PCDHA10: variants seen among roughly 807,000 people sequenced by gnomAD.
PCDHA10 encodes the protein protocadherin alpha 10.
PCDHA10 carries 45 observed loss-of-function variants against 61.2 expected under a neutral mutation model. That is an observed-to-expected ratio of 0.74 (90% CI 0.58 to 0.94). The LOEUF (loss-of-function observed/expected upper bound fraction) is 0.94. PCDHA10 is among the 40% of genes least tolerant of loss of function. The pLI, the probability that PCDHA10 is intolerant of heterozygous loss-of-function variation, is 0.00. For missense variants in PCDHA10, 1,278 were observed against 1,236.2 expected, an observed-to-expected ratio of 1.03 and a Z score of -0.51; for synonymous variants, 602 against 548.8, an observed-to-expected ratio of 1.10 and a Z score of -1.35.
rs782722148 is a variant in PCDHA10 at position 140,857,308 on chromosome 5, T to C, written c.1260T>C (p.Tyr420=). 3.4e-5 allele frequency: 54 copies of C among 1,598,232 alleles called. 3 individuals carry two copies. The highest frequency in any genetic ancestry group is 4.5e-5 in the Non-Finnish European group (53 of 1,167,612). Residue 420 remains tyrosine (Y), a synonymous_variant, in exon 1 of 4, where the codon TAT becomes TAC. Transcript: ENST00000307360. ...SALDRERVSA[Y]ELVVTARDGG... ...TGGACCGCGAGAGGGTGTCGGCCTA[T>C]GAGCTGGTGGTGACCGCGCGGGACG...
At chr5:140,963,275 A>G (rs2095752915) in intron 1 of PCDHA10, among the ~76,000 whole-genome samples, 1 of 152,160 alleles carries the variant, frequency 6.6e-6, no homozygotes, top group Non-Finnish European at 1.5e-5. Flanking sequence ...AAATGTATGT[A>G]AGATTTTATA....
At chr5:140,941,563 C>T (rs2093116700) in intron 1 of PCDHA10, among the ~76,000 whole-genome samples, 1 of 151,946 alleles carries the variant, frequency 6.6e-6, no homozygotes, top group Admixed American at 6.6e-5. Context: ...GATCCATTCG[C>T]CTCAGCCTCC....
chr5:140,886,373 G>A (rs2060960480), intron 1 of PCDHA10, among the ~76,000 whole-genome samples: 2 of 152,042 alleles, frequency 1.3e-5, no homozygotes. Context: ...ACATGCCATG[G>A]TGTGCTTATC....
chr5:140,987,096 C>T (rs1266691790), intron 3 of PCDHA10, among the ~76,000 whole-genome samples: 3 of 151,912 alleles, frequency 2.0e-5, no homozygotes, highest in African/African-American at 7.3e-5. Context: ...TGCCTGTAAT[C>T]CCAGCTACTC....
chr5:140,926,181 C>T (rs1298109352), intron 1 of PCDHA10, among the ~76,000 whole-genome samples: 7 of 151,718 alleles, frequency 4.6e-5, no homozygotes, highest in Admixed American at 2.6e-4. Context: ...GCGGAAAGCC[C>T]CCCGCAGCAC....
intron 3 of PCDHA10, among the ~76,000 whole-genome samples, chr5:141,006,384 T>G (rs181638891): frequency 6.6e-6 from 1 of 152,126 alleles, no homozygotes; most frequent in African/African-American, 2.4e-5. Flanking sequence ...GCTAAGTTTT[T>G]TCTATTTTTT....
At chr5:140,881,085 A>G (rs1554171740) in intron 1 of PCDHA10, among the ~76,000 whole-genome samples, 1 of 152,156 alleles carries the variant, frequency 6.6e-6, no homozygotes, top group East Asian at 1.9e-4. Flanking sequence ...GCTATGATAT[A>G]TTTTTCATTA....
chr5:140,966,974 C>A, intron 1 of PCDHA10: 1 of 1,602,874 alleles, frequency 6.2e-7, no homozygotes, highest in Non-Finnish European at 8.5e-7. Context: ...GCTTGAGCTG[C>A]GGCGCTTGGG....
At chr5:140,883,133 G>C in intron 1 of PCDHA10, 1 of 1,614,112 alleles carries the variant, frequency 6.2e-7, no homozygotes, top group Non-Finnish European at 8.5e-7. Flanking sequence ...ATGGCCTGCA[G>C]TGGTATATGC....
rs1262601662 is a variant in PCDHA10, at chr5:141,011,550, A to C, written c.*1613A>C. On this transcript the variant is annotated 3_prime_UTR_variant, in exon 4 of 4. Coordinates refer to ENST00000307360, the MANE Select transcript of PCDHA10 (RefSeq NM_018901.4). ...CATTGTTAATCAGCTTTTGTGTATG[A>C]AAGACACAGTAAAATTTCTTTCTTA... 6 of 153,770 alleles carry C rather than the reference A, an allele frequency of 3.9e-5. No homozygotes were observed. The highest frequency in any genetic ancestry group is 1.4e-4 in the African/African-American group (6 of 41,462). The allele number at this position is 153,770 out of a possible 1,614,324, so 9.5% of individuals were successfully genotyped here. A position where few individuals can be genotyped will look rare whatever the true frequency, so the allele number is the denominator to read the frequency against.
chr5:140,978,526 A>G (rs1197468187), intron 1 of PCDHA10, among the ~76,000 whole-genome samples: 5 of 152,248 alleles, frequency 3.3e-5, no homozygotes, highest in Admixed American at 2.0e-4. Flanking sequence ...CAGCCAGGCC[A>G]GCAGAACTTG....
At chr5:140,877,443 C>G (rs376417721) in intron 1 of PCDHA10, 15 of 1,613,726 alleles carry the variant, frequency 9.3e-6, no homozygotes, top group African/African-American at 1.3e-5. Context: ...ACGGTGAGCC[C>G]GCGCTGACGT....
chr5:141,004,094 G>A (rs962663466), intron 3 of PCDHA10, among the ~76,000 whole-genome samples: 1 of 152,194 alleles, frequency 6.6e-6, no homozygotes, highest in Non-Finnish European at 1.5e-5. Context: ...TGCTTCTTCC[G>A]TTTTCATCTT....
At chr5:140,880,297 AG>A (rs1554171244) in intron 1 of PCDHA10, among the ~76,000 whole-genome samples, 1 of 152,250 alleles carries the variant, frequency 6.6e-6, no homozygotes, top group Admixed American at 6.5e-5. Context: ...TCATAGTGTG[AG>A]TGAAAGAAAC....
chr5:140,992,017 C>CTGTG (rs10602499), intron 3 of PCDHA10, among the ~76,000 whole-genome samples: 5,022 of 145,578 alleles, frequency 0.034, 175 homozygotes, highest in African/African-American at 0.093. Context: ...AGAGGTGGCT[C>CTGTG]TGTGTGTGTG....
At chr5:140,883,973 G>C (rs782157297) in intron 1 of PCDHA10, 1 of 1,612,840 alleles carries the variant, frequency 6.2e-7, no homozygotes, top group Non-Finnish European at 8.5e-7. Flanking sequence ...GCTGACGCCC[G>C]GGGCTGGCAG....
chr5:140,965,299 C>A (rs1295211520), intron 1 of PCDHA10, among the ~76,000 whole-genome samples: 4 of 152,134 alleles, frequency 2.6e-5, no homozygotes, highest in African/African-American at 7.2e-5. Context: ...TTCCTCTGAT[C>A]CTTCTACCTT....
intron 1 of PCDHA10, chr5:140,967,239 G>A: frequency 1.9e-6 from 3 of 1,613,672 alleles, no homozygotes; most frequent in Non-Finnish European, 2.5e-6. Context: ...CTTCAGGTAA[G>A]CGAATCGGTG....
intron 1 of PCDHA10, chr5:140,929,343 A>G (rs1204297753): frequency 2.0e-6 from 3 of 1,531,032 alleles, no homozygotes; most frequent in Non-Finnish European, 2.6e-6. Context: ...AATTTTATGG[A>G]ATTTGATTCC....
Sources: allele counts gnomAD v4.1 joint callset (sites outside exome capture counted in the v4.1 genomes callset), GRCh38; gene constraint gnomAD v4.1.1; transcripts MANE v1.5; gene names NCBI Gene and HGNC (gene_info 2026-07-23, HGNC 2026-07-21).